The following INVS variants were observed in gnomAD, a reference collection of about 807,000 sequenced individuals.
INVS encodes the protein inversin, also known as inversion of embryo turning homolog.
INVS carries 86 observed loss-of-function variants against 108.8 expected under a neutral mutation model. The observed-to-expected ratio is 0.79, with a 90% CI of 0.66 to 0.95. The LOEUF (loss-of-function observed/expected upper bound fraction) is 0.95, where lower values mean the gene tolerates loss of function less well. INVS is among the 40% of genes least tolerant of loss of function. The pLI is 0.00. For missense variants in INVS, 1,169 were observed against 1,297.4 expected, an observed-to-expected ratio of 0.90 and a Z score of 1.52; for synonymous variants, 455 against 473.5, an observed-to-expected ratio of 0.96 and a Z score of 0.51.
chr9:100,186,309 C>T (rs1487590932), intron 3 of INVS, among the ~76,000 whole-genome samples: 2 of 152,086 alleles, frequency 1.3e-5, no homozygotes, highest in African/African-American at 4.8e-5. Context: ...ACCACCACGC[C>T]TGGCTAATTT....
At chr9:100,264,651 C>T (rs1042573194) in intron 10 of INVS, among the ~76,000 whole-genome samples, 171 bp from the exon 11 acceptor site, 2 of 151,712 alleles carry the variant, frequency 1.3e-5, no homozygotes, top group South Asian at 2.1e-4. Flanking sequence ...TAATTATGAG[C>T]TCTTGGATCA....
At chr9:100,179,196 A>G (rs1218155238) in intron 3 of INVS, among the ~76,000 whole-genome samples, 1 of 152,236 alleles carries the variant, frequency 6.6e-6, no homozygotes, top group Non-Finnish European at 1.5e-5. Flanking sequence ...ACCAAATTGT[A>G]AAGACCATCG....
intron 3 of INVS, among the ~76,000 whole-genome samples, chr9:100,139,012 A>G (rs570364091): frequency 6.6e-6 from 1 of 152,206 alleles, no homozygotes; most frequent in African/African-American, 2.4e-5. Flanking sequence ...GGCCTTATTG[A>G]TGGTTTTCCT....
intron 3 of INVS, among the ~76,000 whole-genome samples, chr9:100,189,102 T>G (rs1830141920): frequency 6.9e-6 from 1 of 144,792 alleles, no homozygotes. Context: ...CTTATTTGCA[T>G]CTTCTTTTTT....
Position 100,213,037 on chromosome 9 carries a change from T to C in INVS, c.274-13025T>C, listed in dbSNP as rs111500585. Among the ~76,000 whole-genome samples the C allele has an allele frequency of 6.3e-3, 959 of 152,256 alleles. 11 individuals carry two copies. The highest frequency in any genetic ancestry group is 0.022 in the African/African-American group (898 of 41,550). ...TCCTGGTTCATAGATGGCTGTCTTC[T>C]TGCTGTATCCTCACATGACAGAAGG... On this transcript the variant is annotated intron_variant, in intron 3 of 16. Transcript: ENST00000262457.
intron 2 of INVS, among the ~76,000 whole-genome samples, chr9:100,118,357 C>T (rs1318618563): frequency 3.3e-5 from 5 of 151,692 alleles, no homozygotes; most frequent in African/African-American, 7.3e-5. Context: ...TACAGACGCC[C>T]GCCACCACAC....
At chr9:100,177,962 TTGC>T (rs1170268814) in intron 3 of INVS, among the ~76,000 whole-genome samples, 3 of 152,124 alleles carry the variant, frequency 2.0e-5, no homozygotes, top group Non-Finnish European at 2.9e-5. Flanking sequence ...TCTGCAGTCT[TTGC>T]TGCAGATACC....
At chr9:100,227,537 A>G (rs1831369417) in intron 4 of INVS, among the ~76,000 whole-genome samples, 1 of 152,194 alleles carries the variant, frequency 6.6e-6, no homozygotes, top group South Asian at 2.1e-4. Context: ...TTTTAAAGCA[A>G]CTTCAACAAG....
intron 2 of INVS, chr9:100,116,977 G>C: frequency 6.4e-7 from 1 of 1,560,290 alleles, no homozygotes; most frequent in Admixed American, 1.7e-5. Context: ...AGCAGTCATC[G>C]ATACCAGCCA....
intron 2 of INVS, among the ~76,000 whole-genome samples, chr9:100,109,598 C>G (rs1827278441): frequency 6.6e-6 from 1 of 152,210 alleles, no homozygotes; most frequent in Non-Finnish European, 1.5e-5. Flanking sequence ...GATTCTACTA[C>G]AACTTTTGTT....
At chr9:100,164,686 A>G (rs1829302737) in intron 3 of INVS, among the ~76,000 whole-genome samples, 1 of 152,172 alleles carries the variant, frequency 6.6e-6, no homozygotes. Context: ...AAAAAATGTA[A>G]CAAGAATCAC....
chr9:100,296,678 C>T (rs760740324), intron 14 of INVS, among the ~76,000 whole-genome samples: 2 of 152,208 alleles, frequency 1.3e-5, no homozygotes, highest in Non-Finnish European at 2.9e-5. Flanking sequence ...GCCTGTTCCA[C>T]TAGTCTGTGA....
At chr9:100,165,042 T>C (rs1269640743) in intron 3 of INVS, among the ~76,000 whole-genome samples, 2 of 152,098 alleles carry the variant, frequency 1.3e-5, no homozygotes, top group Non-Finnish European at 2.9e-5. Context: ...GTATTTCCTG[T>C]AAATTAGCTG....
intron 6 of INVS, 125 bp downstream of exon 6, chr9:100,240,365 C>T: frequency 1.5e-6 from 1 of 669,184 alleles, no homozygotes; most frequent in Non-Finnish European, 2.6e-6. Context: ...TGATATGTTG[C>T]ATTGTTTTAT....
At chr9:100,210,934 C>T (rs1173211885) in intron 3 of INVS, among the ~76,000 whole-genome samples, 1 of 151,800 alleles carries the variant, frequency 6.6e-6, no homozygotes, top group Non-Finnish European at 1.5e-5. Context: ...GGATTGAGAA[C>T]TCCTAGATTA....
chr9:100,276,252 A>G (rs545260868), intron 12 of INVS, among the ~76,000 whole-genome samples: 4 of 152,292 alleles, frequency 2.6e-5, no homozygotes, highest in Non-Finnish European at 5.9e-5. Flanking sequence ...TCAGTTGCCT[A>G]CTGGGCATTT....
chr9:100,160,554 C>T (rs1829137557), intron 3 of INVS, among the ~76,000 whole-genome samples: 1 of 152,168 alleles, frequency 6.6e-6, no homozygotes, highest in Admixed American at 6.5e-5. Context: ...TGTTCTACTT[C>T]ACTTCCATAA....
intron 7 of INVS, among the ~76,000 whole-genome samples, chr9:100,244,380 CCT>C (rs956207098): frequency 3.9e-5 from 6 of 152,030 alleles, no homozygotes; most frequent in Non-Finnish European, 4.4e-5. Flanking sequence ...CATGTTATCC[CCT>C]GTTTACAGAA....
intron 10 of INVS, 109 bp downstream of exon 10, chr9:100,253,245 C>T (rs1018825703): frequency 1.5e-5 from 12 of 793,206 alleles, no homozygotes; most frequent in East Asian, 2.6e-5. Context: ...AGATCACCCA[C>T]AAATCCATCT....
Sources: gnomAD v4.1 joint callset for allele counts (sites outside exome capture counted in the v4.1 genomes callset) on GRCh38, gnomAD v4.1.1 for gene constraint, MANE v1.5 for transcripts, NCBI Gene and HGNC (gene_info 2026-07-23, HGNC 2026-07-21) for gene names.